The following UBE2G1 variants were observed in gnomAD, a reference collection of about 807,000 sequenced individuals.
UBE2G1 encodes the protein ubiquitin conjugating enzyme E2 G1.
In UBE2G1, 5 loss-of-function variants were observed where a neutral mutation model predicts 22.7. That is an observed-to-expected ratio of 0.22 (90% CI 0.12 to 0.46). UBE2G1 has a LOEUF of 0.46. UBE2G1 is among the 20% of genes least tolerant of loss of function. UBE2G1 has a pLI of 0.99. For synonymous variants in UBE2G1, 74 were observed against 67.5 expected, an observed-to-expected ratio of 1.10 and a Z score of -0.47; for missense variants, 88 against 203.9, an observed-to-expected ratio of 0.43 and a Z score of 3.46.
At position 4,325,198 on chromosome 17, in the gene UBE2G1, A is replaced by G. The variant is rs113478876; in HGVS notation, c.47-18075T>C. On this transcript the variant is annotated intron_variant, in intron 1 of 5. Transcript: ENST00000396981. ...ATCAAAGTATTCTGTATGATACTAT[A>G]ATGGTAAGATACACGTCAAATATTT... Among the ~76,000 whole-genome samples the G allele has an allele frequency of 6.1e-3, 928 of 152,342 alleles. 5 individuals carry two copies. Among genetic ancestry groups the G allele is most frequent in the African/African-American group, 0.021 (893 of 41,584 alleles).
intron 1 of UBE2G1, among the ~76,000 whole-genome samples, chr17:4,361,804 T>C (rs763336606): frequency 6.6e-6 from 1 of 151,882 alleles, no homozygotes; most frequent in Non-Finnish European, 1.5e-5. Context: ...AGCCTGGGCA[T>C]CGTGGCACAC....
chr17:4,316,968 G>C (rs560677024), intron 1 of UBE2G1, among the ~76,000 whole-genome samples: 2 of 150,072 alleles, frequency 1.3e-5, no homozygotes, highest in African/African-American at 4.9e-5. Flanking sequence ...ATCAAGGCCA[G>C]GCTCGGTGGC....
At chr17:4,333,420 T>A (rs1969605513) in intron 1 of UBE2G1, among the ~76,000 whole-genome samples, 1 of 152,176 alleles carries the variant, frequency 6.6e-6, no homozygotes, top group South Asian at 2.1e-4. Context: ...GCTCTGTCTG[T>A]GATCCCAGCA....
At chr17:4,329,522 C>A (rs916542920) in intron 1 of UBE2G1, among the ~76,000 whole-genome samples, 1 of 151,728 alleles carries the variant, frequency 6.6e-6, no homozygotes, top group Non-Finnish European at 1.5e-5. Flanking sequence ...GGCACCACTG[C>A]ACTCCAGCCT....
chr17:4,280,680 C>T (rs1455219525), intron 5 of UBE2G1, among the ~76,000 whole-genome samples: 1 of 151,272 alleles, frequency 6.6e-6, no homozygotes, highest in Admixed American at 6.6e-5. Flanking sequence ...TCTTGTTGCA[C>T]AGGCTGGAGT....
Position 4,271,295 on chromosome 17 carries a change from C to A in UBE2G1, c.*1259G>T, listed in dbSNP as rs1384963344. The A allele has an allele frequency of 6.6e-6, 1 of 152,636 alleles. No homozygotes were observed. Among genetic ancestry groups the A allele is most frequent in the African/African-American group, 2.4e-5 (1 of 41,442 alleles). The allele number at this position is 152,636 out of a possible 1,614,324, so 9.5% of individuals were successfully genotyped here. On this transcript the variant is annotated 3_prime_UTR_variant, in exon 6 of 6. Transcript: ENST00000396981. ...ATCTAGATAGAACCAAATACATATA[C>A]TGCCATGGCCATGTGATTTTCAAGT...
intron 2 of UBE2G1, chr17:4,302,402 C>T (rs755616982): frequency 1.2e-5 from 6 of 504,692 alleles, no homozygotes; most frequent in Non-Finnish European, 2.0e-5. Context: ...TCCTATTCAT[C>T]GCTTGCCTGT....
At chr17:4,352,196 A>G (rs1969853365) in intron 1 of UBE2G1, among the ~76,000 whole-genome samples, 1 of 152,216 alleles carries the variant, frequency 6.6e-6, no homozygotes, top group Non-Finnish European at 1.5e-5. Context: ...TCGTATCAAC[A>G]TTAATTTTAT....
At chr17:4,287,914 A>C (rs1288949016) in intron 4 of UBE2G1, among the ~76,000 whole-genome samples, 1 of 152,092 alleles carries the variant, frequency 6.6e-6, no homozygotes, top group African/African-American at 2.4e-5. Context: ...GGCAGCTATA[A>C]AGAATACTGG....
At chr17:4,277,826 CGT>C (rs1349437096) in intron 5 of UBE2G1, among the ~76,000 whole-genome samples, 1 of 152,060 alleles carries the variant, frequency 6.6e-6, no homozygotes, top group Non-Finnish European at 1.5e-5. Flanking sequence ...GTGATAAAGC[CGT>C]GAGAAAAGCC....
intron 1 of UBE2G1, among the ~76,000 whole-genome samples, chr17:4,342,907 C>G (rs1399230501): frequency 2.6e-5 from 4 of 152,186 alleles, no homozygotes; most frequent in Non-Finnish European, 4.4e-5. Flanking sequence ...CCAGGCCTCT[C>G]TCCCACTGCA....
rs970154088 is a variant in UBE2G1 at position 4,280,024 on chromosome 17, T to TTAGA, written c.*37+2770_*37+2773dup. Among the ~76,000 whole-genome samples the TTAGA allele has an allele frequency of 5.6e-4, 85 of 151,776 alleles. No individual in the cohort carries two copies. In the Middle Eastern group the frequency reaches 0.014, roughly 24 times the overall value. ...CATATTAAGTCCACAATATCCAGAT[T>TTAGA]TAGATAGATAGACTTTTTTTTTTTT... is the stretch of plus-strand genomic sequence containing the variant. On this transcript the variant is annotated intron_variant, in intron 5 of 5. Coordinates refer to ENST00000396981, the MANE Select transcript of UBE2G1 (RefSeq NM_003342.5).
intron 1 of UBE2G1, among the ~76,000 whole-genome samples, chr17:4,356,019 C>T (rs1458048319): frequency 3.5e-5 from 5 of 141,364 alleles, no homozygotes; most frequent in Admixed American, 2.9e-4. Flanking sequence ...GTCTTTATTC[C>T]TTTACTTTCT....
At chr17:4,359,526 C>T (rs1969943184) in intron 1 of UBE2G1, among the ~76,000 whole-genome samples, 1 of 152,204 alleles carries the variant, frequency 6.6e-6, no homozygotes, top group Admixed American at 6.5e-5. Flanking sequence ...AGTATTTCTT[C>T]CAGAAGTTTC....
chr17:4,353,448 G>T (rs979598116), intron 1 of UBE2G1, among the ~76,000 whole-genome samples: 3 of 139,426 alleles, frequency 2.2e-5, no homozygotes, highest in African/African-American at 8.4e-5. Flanking sequence ...GAGTTTCGTT[G>T]ATATATATAT....
intron 2 of UBE2G1, among the ~76,000 whole-genome samples, chr17:4,305,402 AG>A (rs1969238429): frequency 6.6e-6 from 1 of 152,214 alleles, no homozygotes; most frequent in Non-Finnish European, 1.5e-5. Flanking sequence ...TAGTGATCTC[AG>A]GAAGGCACAG....
At chr17:4,284,281 T>C (rs1222251869) in intron 4 of UBE2G1, among the ~76,000 whole-genome samples, 1 of 151,880 alleles carries the variant, frequency 6.6e-6, no homozygotes, top group Non-Finnish European at 1.5e-5. Flanking sequence ...AAACTTTATA[T>C]AAATATACTG....
In UBE2G1 at chr17:4,289,260, A is replaced by G. The variant is rs377406465; in HGVS notation, c.396T>C (p.Asn132=). Residue 132 remains asparagine, a synonymous_variant, in exon 4 of 6, where the codon AAT becomes AAC. Transcript: ENST00000396981. ...CATCAACATTAGCAGGTGAGTCTCC[A>G]TTAGGGTCTGCCAGCATAGAAATGA... ...ISVISMLADP[N]GDSPANVDAA... is the part of the protein sequence containing the mutation. The G allele has an allele frequency of 8.8e-6, 14 of 1,592,058 alleles. No homozygotes were observed. The highest frequency in any genetic ancestry group is 3.4e-5 in the South Asian group (3 of 87,298).
chr17:4,304,563 A>ATGGT (rs1555520902), intron 2 of UBE2G1, among the ~76,000 whole-genome samples: 3 of 151,916 alleles, frequency 2.0e-5, no homozygotes, highest in South Asian at 2.1e-4. Context: ...TAATCCTTGA[A>ATGGT]CGGTACCGGT....
Sources: gnomAD v4.1 joint callset for allele counts (sites outside exome capture counted in the v4.1 genomes callset) on GRCh38, gnomAD v4.1.1 for gene constraint, MANE v1.5 for transcripts, NCBI Gene and HGNC (gene_info 2026-07-23, HGNC 2026-07-21) for gene names.